Variants in NLGN1 observed in about 807,000 individuals in gnomAD.
NLGN1 encodes the protein neuroligin-1.
A neutral mutation model predicts 65.5 loss-of-function variants in NLGN1; 12 were observed. The ratio of observed to expected loss-of-function variants is 0.18; its 90% CI spans 0.12 to 0.30. The LOEUF (loss-of-function observed/expected upper bound fraction) is 0.30. NLGN1 is among the 10% of genes least tolerant of loss of function. The pLI is 1.00. For synonymous variants in NLGN1, 350 were observed against 359.5 expected, an observed-to-expected ratio of 0.97 and a Z score of 0.30; for missense variants, 750 against 1,007.1, an observed-to-expected ratio of 0.74 and a Z score of 3.46.
intron 4 of NLGN1, among the ~76,000 whole-genome samples, chr3:174,130,093 G>C (rs751405933): frequency 1.1e-3 from 164 of 152,306 alleles, no homozygotes; most frequent in Non-Finnish European, 1.9e-3. Flanking sequence ...CTGTATAGAA[G>C]GCCGGGCATG....
intron 4 of NLGN1, among the ~76,000 whole-genome samples, chr3:173,979,094 T>C (rs1254908530): frequency 6.6e-6 from 1 of 151,966 alleles, no homozygotes; most frequent in Non-Finnish European, 1.5e-5. Flanking sequence ...GCTGTTTCAC[T>C]GATACACTAA....
chr3:173,780,521 A>G (rs546439437), intron 3 of NLGN1, among the ~76,000 whole-genome samples: 16 of 152,242 alleles, frequency 1.1e-4, no homozygotes, highest in Admixed American at 2.0e-4. Flanking sequence ...TCAATGCCAC[A>G]TGTACTAGCA....
At chr3:173,861,515 C>CATGT (rs886333674) in intron 4 of NLGN1, among the ~76,000 whole-genome samples, 3 of 141,422 alleles carry the variant, frequency 2.1e-5, no homozygotes, top group Admixed American at 1.4e-4. Flanking sequence ...GTAGCTGGCA[C>CATGT]GTGTGTGTGT....
At chr3:174,096,624 G>A (rs1242373236) in intron 4 of NLGN1, among the ~76,000 whole-genome samples, 3 of 151,964 alleles carry the variant, frequency 2.0e-5, no homozygotes, top group African/African-American at 7.3e-5. Context: ...TGACATTTGT[G>A]GTAATATATT....
chr3:174,083,427 A>G (rs1482889840), intron 4 of NLGN1, among the ~76,000 whole-genome samples: 1 of 152,194 alleles, frequency 6.6e-6, no homozygotes, highest in Non-Finnish European at 1.5e-5. Flanking sequence ...AATATGTATT[A>G]ACTATTATGA....
chr3:173,487,397 A>T (rs1302647654), intron 2 of NLGN1, among the ~76,000 whole-genome samples: 1 of 151,944 alleles, frequency 6.6e-6, no homozygotes, highest in African/African-American at 2.4e-5. Flanking sequence ...CTTGGTGATC[A>T]ATTCTTGTAG....
chr3:173,731,979 A>T (rs1772932127), intron 3 of NLGN1, among the ~76,000 whole-genome samples: 1 of 152,120 alleles, frequency 6.6e-6, no homozygotes, highest in Non-Finnish European at 1.5e-5. Context: ...GTATATTTTT[A>T]TTAAGAAAAG....
chr3:174,192,297 T>C (rs1487100177), intron 4 of NLGN1, among the ~76,000 whole-genome samples: 1 of 152,166 alleles, frequency 6.6e-6, no homozygotes, highest in Non-Finnish European at 1.5e-5. Context: ...AATTTATTAT[T>C]TGAAAAATGA....
chr3:174,236,522 C>T (rs1187923741), intron 4 of NLGN1, among the ~76,000 whole-genome samples: 1 of 151,704 alleles, frequency 6.6e-6, no homozygotes, highest in Non-Finnish European at 1.5e-5. Flanking sequence ...AAAAAATGTC[C>T]CTCTTTTTAA....
Position 173,917,841 on chromosome 3 carries a change from T to TTGTGTGTGTGTGTGTGTGTGTGTG in NLGN1, c.646+110015_646+110038dup, listed in dbSNP as rs145802137. On this transcript the variant is annotated intron_variant, in intron 4 of 6. Coordinates refer to ENST00000457714, the Ensembl canonical transcript of NLGN1. Reference sequence around the variant, plus strand: ...GCTCTGAAATTCTTACAAAGCAACATTGTGTGTGTGTGTGTGTGTGTGTGT... The same window carrying TTGTGTGTGTGTGTGTGTGTGTGTG: ...GCTCTGAAATTCTTACAAAGCAACATTGTGTGTGTGTGTGTGTGTGTGTGTGTGTGTGTGTGTGTGTGTGTGTGT... Among the ~76,000 whole-genome samples, 294 of 146,484 alleles carry TTGTGTGTGTGTGTGTGTGTGTGTG rather than the reference T, an allele frequency of 2.0e-3. 3 individuals are homozygous for TTGTGTGTGTGTGTGTGTGTGTGTG. The highest frequency in any genetic ancestry group is 6.9e-3 in the African/African-American group (272 of 39,502).
intron 4 of NLGN1, among the ~76,000 whole-genome samples, chr3:173,824,749 C>G (rs1039127852): frequency 2.0e-5 from 3 of 152,096 alleles, no homozygotes; most frequent in Admixed American, 6.6e-5. Flanking sequence ...TGACTAAGCA[C>G]TTAACCATTG....
intron 3 of NLGN1, among the ~76,000 whole-genome samples, chr3:173,787,548 A>G (rs1425132354): frequency 6.6e-6 from 1 of 152,220 alleles, no homozygotes; most frequent in Non-Finnish European, 1.5e-5. Flanking sequence ...GGACTCTTAC[A>G]AAAAGTAGCT....
chr3:173,471,876 T>G (rs545605372), intron 2 of NLGN1, among the ~76,000 whole-genome samples: 1 of 152,264 alleles, frequency 6.6e-6, no homozygotes, highest in Non-Finnish European at 1.5e-5. Context: ...TCTAAATAGA[T>G]AGATTTATGA....
At chr3:173,777,994 A>G (rs1780571170) in intron 3 of NLGN1, among the ~76,000 whole-genome samples, 1 of 151,854 alleles carries the variant, frequency 6.6e-6, no homozygotes. Flanking sequence ...CTTTTGTTGT[A>G]GTATATTCCT....
At position 173,727,875 on chromosome 3, in the gene NLGN1, A is replaced by G. The variant is rs543308983; in HGVS notation, c.494-79805A>G. 3.9e-4 allele frequency among the ~76,000 whole-genome samples: 59 copies of G among 152,240 alleles called. 1 individual carries two copies. Among genetic ancestry groups the G allele is most frequent in the African/African-American group, 1.4e-3 (58 of 41,572 alleles). On this transcript the variant is annotated intron_variant, in intron 3 of 6. Transcript: ENST00000457714. ...TACAGGAAGGCAATGGAGACAATAA[A>G]CCAGGATTACTGGAGATGGTGTTTC...
intron 2 of NLGN1, among the ~76,000 whole-genome samples, chr3:173,555,161 G>A (rs1258743773): frequency 4.6e-5 from 7 of 152,072 alleles, no homozygotes; most frequent in Non-Finnish European, 7.4e-5. Flanking sequence ...ATCAGATGAA[G>A]GAAATTCATT....
At chr3:174,292,703 A>C in the NLGN1 span, among the ~76,000 whole-genome samples, 1 of 151,588 alleles carries the variant, frequency 6.6e-6, no homozygotes, top group African/African-American at 2.4e-5. Context: ...AAAAGAAGGA[A>C]TTGTTGTATT....
At chr3:173,485,251 A>G (rs1349992161) in intron 2 of NLGN1, among the ~76,000 whole-genome samples, 1 of 151,018 alleles carries the variant, frequency 6.6e-6, no homozygotes, top group East Asian at 1.9e-4. Context: ...CCCTCCCACA[A>G]CATGTGGGAA....
intron 2 of NLGN1, among the ~76,000 whole-genome samples, chr3:173,577,200 C>T (rs1323024805): frequency 6.6e-6 from 1 of 152,118 alleles, no homozygotes; most frequent in African/African-American, 2.4e-5. Flanking sequence ...CTAGCTTCAC[C>T]AGACTTATGA....
Sources: allele counts gnomAD v4.1 joint callset (sites outside exome capture counted in the v4.1 genomes callset), GRCh38; gene constraint gnomAD v4.1.1; transcripts MANE v1.5; gene names NCBI Gene and HGNC (gene_info 2026-07-23, HGNC 2026-07-21).